The following LGALS2 variants were observed in gnomAD, a reference collection of about 807,000 sequenced individuals.
The protein encoded by LGALS2 is galectin-2.
LGALS2 carries 7 observed loss-of-function variants against 10.1 expected under a neutral mutation model. The observed-to-expected ratio is 0.70, with a 90% CI of 0.40 to 1.31. LGALS2 has a LOEUF of 1.31. Among genes scored for constraint, LGALS2 ranks in the 50% most tolerant of loss-of-function variants. LGALS2 has a pLI of 0.01. For synonymous variants in LGALS2, 86 were observed against 64.2 expected (o/e 1.34, Z -1.63); for missense variants, 167 against 163.6 (o/e 1.02, Z -0.11).
At chr22:37,575,773 G>A (rs1925654755) in intron 1 of LGALS2, among the ~76,000 whole-genome samples, 1 of 152,150 alleles carries the variant, frequency 6.6e-6, no homozygotes, top group East Asian at 1.9e-4. Flanking sequence ...CATTTTATAA[G>A]AGACGCCTGG....
intron 1 of LGALS2, among the ~76,000 whole-genome samples, chr22:37,576,999 G>T (rs1017607215): frequency 1.3e-5 from 2 of 149,972 alleles, no homozygotes; most frequent in Non-Finnish European, 3.0e-5. Context: ...CTGGGGGGGT[G>T]GGGAGTTGGG....
chr22:37,570,430 G>A lies in LGALS2; in HGVS notation c.250-18C>T, dbSNP rs1371869684. Reference sequence around the variant, plus strand: ...ACTGTGAACTGTGGGGAGGGAGGGTGTCAAGGAGGCAGGAGGCCCTGGAAA... The same window carrying A: ...ACTGTGAACTGTGGGGAGGGAGGGTATCAAGGAGGCAGGAGGCCCTGGAAA... On this transcript the variant is annotated intron_variant, in intron 3 of 3. Transcript: ENST00000215886. The A allele has an allele frequency of 2.5e-6, 4 of 1,610,078 alleles. No individual in the cohort carries two copies. The highest frequency in any genetic ancestry group is 1.7e-5 in the Admixed American group (1 of 59,920).
intron 1 of LGALS2, among the ~76,000 whole-genome samples, chr22:37,575,939 G>T (rs192144062): frequency 2.8e-3 from 425 of 152,300 alleles, no homozygotes; most frequent in Non-Finnish European, 4.3e-3. Flanking sequence ...AGGATGTTGA[G>T]CAGTATTCCT....
Position 37,579,950 on chromosome 22 carries a change from G to A in LGALS2, c.-45C>T. 6.2e-7 allele frequency: 1 copy of A among 1,609,146 alleles called. No individual in the cohort carries two copies. ...AGCTCCCAGCGGCTCCTGGAGGCCT[G>A]TGCTCAGGGTCTCAACTCGTGGTCA... On this transcript the variant is annotated 5_prime_UTR_variant, in exon 1 of 4. Coordinates refer to ENST00000215886, the MANE Select transcript of LGALS2 (RefSeq NM_006498.3).
At chr22:37,570,496 C>T (rs960159562) in intron 3 of LGALS2, 80 bp downstream of exon 3, 7 of 1,606,978 alleles carry the variant, frequency 4.4e-6, no homozygotes, top group African/African-American at 1.3e-5. Context: ...AAGGCCAGCA[C>T]CTGTGTCCAG....
intron 2 of LGALS2, among the ~76,000 whole-genome samples, chr22:37,571,504 G>A (rs1925496630): frequency 6.6e-6 from 1 of 152,188 alleles, no homozygotes; most frequent in Non-Finnish European, 1.5e-5. Flanking sequence ...TGGCCATTCT[G>A]CTGGGTAAAG....
chr22:37,578,016 C>T (rs1320228650), intron 1 of LGALS2, among the ~76,000 whole-genome samples: 1 of 152,216 alleles, frequency 6.6e-6, no homozygotes, highest in Non-Finnish European at 1.5e-5. Context: ...CGTGTGAAGC[C>T]ACCCACAATT....
At position 37,579,991 on chromosome 22, in the gene LGALS2, A is replaced by T. The variant is rs371823416; in HGVS notation, c.-86T>A. ...CTCGTGGTCAAGCTTATATCCTAGAATATTACACATTAACTCCCTCAAGGT... is the reference window on the plus strand; with the variant it reads ...CTCGTGGTCAAGCTTATATCCTAGATTATTACACATTAACTCCCTCAAGGT... On this transcript the variant is annotated 5_prime_UTR_variant, in exon 1 of 4. Coordinates refer to ENST00000215886, the MANE Select transcript of LGALS2 (RefSeq NM_006498.3). 8.0e-4 allele frequency: 1,155 copies of T among 1,438,808 alleles called. 4 individuals are homozygous for T. In the Middle Eastern group the frequency reaches 0.018, roughly 22 times the overall value. The allele number at this position is 1,438,808 out of a possible 1,614,324, so 89.1% of individuals were successfully genotyped here.
chr22:37,577,107 A>C (rs1046308781), intron 1 of LGALS2, among the ~76,000 whole-genome samples: 4 of 152,104 alleles, frequency 2.6e-5, no homozygotes, highest in African/African-American at 9.7e-5. Flanking sequence ...CTGTCGTATA[A>C]GGGATTTGGA....
intron 1 of LGALS2, among the ~76,000 whole-genome samples, chr22:37,577,309 G>A (rs566711532): frequency 7.4e-4 from 111 of 150,620 alleles, no homozygotes; most frequent in Non-Finnish European, 1.2e-3. Context: ...CTTGAATAGC[G>A]TCCCCCGAAA....
intron 1 of LGALS2, among the ~76,000 whole-genome samples, chr22:37,572,285 A>G (rs1925521786): frequency 6.6e-6 from 1 of 152,216 alleles, no homozygotes; most frequent in Non-Finnish European, 1.5e-5. Flanking sequence ...CCCAGAAACA[A>G]AAATATGATA....
chr22:37,570,513 C>G (rs1925460207), intron 3 of LGALS2, 63 bp downstream of exon 3: 1 of 1,609,348 alleles, frequency 6.2e-7, no homozygotes, highest in Admixed American at 1.7e-5. Flanking sequence ...CCAGGCCAGG[C>G]TCTCTTCCAT....
At chr22:37,577,722 G>A (rs570946628) in intron 1 of LGALS2, among the ~76,000 whole-genome samples, 4 of 152,194 alleles carry the variant, frequency 2.6e-5, no homozygotes, top group South Asian at 4.1e-4. Flanking sequence ...ATATGTAATC[G>A]AGTTAAGAGG....
chr22:37,573,407 C>G, intron 1 of LGALS2, among the ~76,000 whole-genome samples: 1 of 152,210 alleles, frequency 6.6e-6, no homozygotes, highest in Non-Finnish European at 1.5e-5. Flanking sequence ...ATTTAAAAAA[C>G]AGTTGATAGC....
In LGALS2 at chr22:37,579,979, TTA is replaced by T. The variant is rs1252877958; in HGVS notation, c.-76_-75del. On this transcript the variant is annotated 5_prime_UTR_variant, in exon 1 of 4. The change creates a premature stop within an existing upstream ORF in the 5' untranslated region. Coordinates refer to ENST00000215886, the MANE Select transcript of LGALS2 (RefSeq NM_006498.3). ...TCAGGGTCTCAACTCGTGGTCAAGCTTATATCCTAGAATATTACACATTAACT... is the reference window on the plus strand; with the variant it reads ...TCAGGGTCTCAACTCGTGGTCAAGCTTATCCTAGAATATTACACATTAACT... 1.1e-5 allele frequency: 17 copies of T among 1,544,142 alleles called. No individual in the cohort carries two copies. Among genetic ancestry groups the T allele is most frequent in the Admixed American group, 1.7e-5 (1 of 58,202 alleles).
intron 1 of LGALS2, among the ~76,000 whole-genome samples, chr22:37,576,999 GGGGAGTT>G (rs966187578): frequency 6.7e-6 from 1 of 149,856 alleles, no homozygotes; most frequent in African/African-American, 2.5e-5. Flanking sequence ...CTGGGGGGGT[GGGGAGTT>G]GGGGGCCCAG....
Position 37,571,997 on chromosome 22 carries a change from G to A in LGALS2, c.7-66C>T. On this transcript the variant is annotated intron_variant, in intron 1 of 3. Coordinates refer to ENST00000215886, the MANE Select transcript of LGALS2 (RefSeq NM_006498.3). ...AAATCAATCCCACACTTGCCCAGCA[G>A]CTTCATCCACCTCATGCCAACCCAG... The A allele has an allele frequency of 4.4e-6, 6 of 1,360,400 alleles. No individual in the cohort carries two copies. In the East Asian group the frequency reaches 1.4e-4, roughly 31 times the overall value. The allele number at this position is 1,360,400 out of a possible 1,614,324, so 84.3% of individuals were successfully genotyped here.
Sources: gnomAD v4.1 joint callset for allele counts (sites outside exome capture counted in the v4.1 genomes callset) on GRCh38, gnomAD v4.1.1 for gene constraint, MANE v1.5 for transcripts, NCBI Gene and HGNC (gene_info 2026-07-23, HGNC 2026-07-21) for gene names.